The following COQ8B variants were observed in gnomAD, a reference collection of about 807,000 sequenced individuals.
COQ8B encodes the protein atypical kinase COQ8B, mitochondrial.
Under a neutral mutation model 62.0 loss-of-function variants are expected in COQ8B, and 44 were observed. The observed-to-expected ratio is 0.71, with a 90% CI of 0.56 to 0.91. The LOEUF is 0.91. COQ8B is among the 40% of genes least tolerant of loss of function. The pLI is 0.00. For missense variants in COQ8B, 649 were observed against 731.6 expected (o/e 0.89, Z 1.30); for synonymous variants, 252 against 289.9 (o/e 0.87, Z 1.33).
chr19:40,706,523 C>T (rs926291521), intron 5 of COQ8B, among the ~76,000 whole-genome samples: 2 of 152,130 alleles, frequency 1.3e-5, no homozygotes, highest in South Asian at 2.1e-4. Flanking sequence ...TGGAGTGCAG[C>T]GGCACAATCA....
chr19:40,705,402 T>G lies in COQ8B; in HGVS notation c.413A>C (p.Asn138Thr). The change falls in exon 6 of 15, where the codon AAT becomes ACT. Residue 138 changes from asparagine (N) to threonine (T), a missense_variant. Asn to Thr is a moderately conservative substitution (Grantham distance 65). Coordinates refer to ENST00000324464, the MANE Select transcript of COQ8B (RefSeq NM_024876.4). ...LDSSPFLSEA[N>T]AERIVQTLCT... The stretch of plus-strand genomic sequence containing the variant: ...TAAGGTCTGCACAATCCGCTCGGCA[T>G]TGGCCTCCGACAGGAAGGGGCTGGA... The G allele has an allele frequency of 6.3e-7, 1 of 1,594,392 alleles. No homozygotes were observed. Among genetic ancestry groups the G allele is most frequent in the Non-Finnish European group, 8.6e-7 (1 of 1,164,616 alleles).
chr19:40,702,035 G>T (rs914297468), intron 10 of COQ8B, among the ~76,000 whole-genome samples: 9 of 152,212 alleles, frequency 5.9e-5, no homozygotes, highest in Non-Finnish European at 1.0e-4. Flanking sequence ...ATGGATATGG[G>T]TTGTTTCCAG....
chr19:40,706,095 G>A lies in COQ8B; in HGVS notation c.368-648C>T, dbSNP rs554725679. Among the ~76,000 whole-genome samples the A allele has an allele frequency of 6.6e-5, 10 of 152,196 alleles. No homozygotes were observed. In the East Asian group the frequency reaches 1.2e-3, roughly 18 times the overall value. ...AATGTAATGCTGAGTGAAAGCAGCC[G>A]GGTGCATGAAATCATCACCCAGTTA... On this transcript the variant is annotated intron_variant, in intron 5 of 14. Coordinates refer to ENST00000324464, the MANE Select transcript of COQ8B (RefSeq NM_024876.4).
rs763060391 is a variant in COQ8B at position 40,692,986 on chromosome 19, T to C, written c.1261A>G (p.Arg421Gly). Residue 421 changes from arginine to glycine, a missense_variant, in exon 14 of 15, where the codon AGG becomes GGG. Coordinates refer to ENST00000324464, the MANE Select transcript of COQ8B (RefSeq NM_024876.4). Reference protein sequence around the residue: ...GDRDCVLQKSRDLKFLTGFET... With the variant: ...GDRDCVLQKSGDLKFLTGFET... Reference sequence around the variant, plus strand: ...AAGCCTGTGAGGAATTTGAGGTCCCTGGACTTCTGCAGGACACAGTCTCTG... The same window carrying C: ...AAGCCTGTGAGGAATTTGAGGTCCCCGGACTTCTGCAGGACACAGTCTCTG... The C allele has an allele frequency of 1.5e-5, 24 of 1,613,976 alleles. No homozygotes were observed. Among genetic ancestry groups the C allele is most frequent in the Non-Finnish European group, 2.0e-5 (24 of 1,179,886 alleles).
chr19:40,707,606 A>G (rs1222048501), intron 5 of COQ8B, among the ~76,000 whole-genome samples: 4 of 152,010 alleles, frequency 2.6e-5, no homozygotes, highest in African/African-American at 9.7e-5. Flanking sequence ...GGCACCCACC[A>G]CCACATCCAG....
intron 14 of COQ8B, 111 bp from the exon 15 acceptor site, chr19:40,692,484 A>C: frequency 1.1e-6 from 1 of 897,342 alleles, no homozygotes; most frequent in Non-Finnish European, 1.7e-6. Flanking sequence ...CACCATCAAC[A>C]CAAGCCCCGA....
intron 12 of COQ8B, among the ~76,000 whole-genome samples, chr19:40,696,756 T>C (rs776236352): frequency 1.1e-4 from 16 of 152,172 alleles, no homozygotes; most frequent in Non-Finnish European, 1.9e-4. Flanking sequence ...GTCACCTCTT[T>C]CCTACAATCA....
At chr19:40,713,521 C>T (rs34633896) in intron 4 of COQ8B, among the ~76,000 whole-genome samples, 31 of 149,662 alleles carry the variant, frequency 2.1e-4, no homozygotes, top group Non-Finnish European at 3.8e-4. Context: ...TGCACTCCAG[C>T]CTGGGTGACA....
At chr19:40,696,720 G>C (rs2082017869) in intron 12 of COQ8B, among the ~76,000 whole-genome samples, 1 of 150,754 alleles carries the variant, frequency 6.6e-6, no homozygotes, top group Non-Finnish European at 1.5e-5. Context: ...ATCCCGCCCT[G>C]ATCACACCTC....
chr19:40,699,956 C>A (rs943544164), intron 12 of COQ8B, 111 bp downstream of exon 12: 6 of 1,033,814 alleles, frequency 5.8e-6, no homozygotes, highest in Non-Finnish European at 5.9e-6. Flanking sequence ...AAAAGGGCCA[C>A]CCCTGCCTAT....
chr19:40,700,131 T>C lies in COQ8B; in HGVS notation c.1079A>G (p.Glu360Gly). ...LLTLCLRELF[E>G]FRFMQTDPNW... is the part of the protein sequence containing the mutation. The stretch of plus-strand genomic sequence containing the variant: ...GGGGTCAGTCTGCATGAATCGGAAC[T>C]CAAACAGCTCCCGCAGACACAGCGT... The change falls in exon 12 of 15, where the codon GAG becomes GGG. Residue 360 changes from glutamate (E) to glycine (G), a missense_variant. Coordinates refer to ENST00000324464, the MANE Select transcript of COQ8B (RefSeq NM_024876.4). 1 of 1,614,214 alleles carries C rather than the reference T, an allele frequency of 6.2e-7. No individual in the cohort carries two copies. Among genetic ancestry groups the C allele is most frequent in the Non-Finnish European group, 8.5e-7 (1 of 1,180,038 alleles).
chr19:40,697,874 A>AGG (rs1555756058), intron 12 of COQ8B, among the ~76,000 whole-genome samples: 2 of 96,974 alleles, frequency 2.1e-5, no homozygotes, highest in South Asian at 3.4e-4. Context: ...AGAGAGAGAG[A>AGG]GAGTTTCTAC....
intron 10 of COQ8B, 184 bp from the exon 11 acceptor site, chr19:40,700,635 C>T (rs1026073720): frequency 9.9e-6 from 7 of 703,594 alleles, no homozygotes; most frequent in African/African-American, 5.4e-5. Context: ...TGAGATTTAA[C>T]AAGTATCTCC....
rs776949662 is a variant in COQ8B at position 40,703,779 on chromosome 19, G to A, written c.653C>T (p.Ala218Val). 6.2e-7 allele frequency: 1 copy of A among 1,613,966 alleles called. No homozygotes were observed. Among genetic ancestry groups the A allele is most frequent in the African/African-American group, 1.3e-5 (1 of 74,916 alleles). ...GCCCTGGTGCACCTGCCCAATTGAG[G>A]CAGCGGCAAAGGGCACCTCCTCCAA... ...ASLEEVPFAA[A>V]SIGQVHQGLL... is the part of the protein sequence containing the mutation. The change falls in exon 8 of 15, where the codon GCC becomes GTC. Residue 218 changes from alanine to valine, a missense_variant. Coordinates refer to ENST00000324464, the MANE Select transcript of COQ8B (RefSeq NM_024876.4).
intron 1 of COQ8B, 22 bp from the exon 2 acceptor site, chr19:40,714,657 T>G: frequency 1.3e-6 from 2 of 1,564,654 alleles, no homozygotes; most frequent in South Asian, 1.2e-5. Flanking sequence ...GAGGAGGGAT[T>G]ATTCAGGTGG....
At position 40,714,510 on chromosome 19, in the gene COQ8B, AC is replaced by A; in HGVS notation, c.102+20del. The A allele has an allele frequency of 6.2e-7, 1 of 1,613,608 alleles. No homozygotes were observed. On this transcript the variant is annotated intron_variant, in intron 2 of 14. Coordinates refer to ENST00000324464, the MANE Select transcript of COQ8B (RefSeq NM_024876.4). Reference sequence around the variant, plus strand: ...CTCCCTCAGCCTCTTCCCCTTGGGGACCTGCTCCCTAGCCTCTTACCCAGCG... The same window carrying A: ...CTCCCTCAGCCTCTTCCCCTTGGGGACTGCTCCCTAGCCTCTTACCCAGCG...
Position 40,705,191 on chromosome 19 carries a change from C to G in COQ8B, c.491-10G>C. The G allele has an allele frequency of 6.2e-7, 1 of 1,612,632 alleles. No individual in the cohort carries two copies. On this transcript the variant is annotated splice_polypyrimidine_tract_variant and intron_variant, in intron 6 of 14. Coordinates refer to ENST00000324464, the MANE Select transcript of COQ8B (RefSeq NM_024876.4). ...CTGATGAAGCTGTTGTCTTGGGAGA[C>G]AGTGGAACCAGGGGGGAAGTAAGCG...
chr19:40,697,258 C>T (rs1228324817), intron 12 of COQ8B, among the ~76,000 whole-genome samples: 1 of 151,904 alleles, frequency 6.6e-6, no homozygotes, highest in African/African-American at 2.4e-5. Context: ...ACCACAGGTG[C>T]ACCCCACCAC....
At position 40,714,047 on chromosome 19, in the gene COQ8B, TC is replaced by T; in HGVS notation, c.289+19del. On this transcript the variant is annotated intron_variant, in intron 4 of 14. Coordinates refer to ENST00000324464, the MANE Select transcript of COQ8B (RefSeq NM_024876.4). Reference sequence around the variant, plus strand: ...CTTTCTAATTGAGGTCACACCAAGATCCCCCAAAGTCACACCTACCCCCAAA... The same window carrying T: ...CTTTCTAATTGAGGTCACACCAAGATCCCCAAAGTCACACCTACCCCCAAA... 6.2e-7 allele frequency: 1 copy of T among 1,613,794 alleles called. No individual in the cohort carries two copies. The highest frequency in any genetic ancestry group is 1.1e-5 in the South Asian group (1 of 91,072).
Sources: gnomAD v4.1 joint callset for allele counts (sites outside exome capture counted in the v4.1 genomes callset) on GRCh38, gnomAD v4.1.1 for gene constraint, MANE v1.5 for transcripts, NCBI Gene and HGNC (gene_info 2026-07-23, HGNC 2026-07-21) for gene names.